DNAH7: variants seen among roughly 807,000 people sequenced by gnomAD.
DNAH7 encodes dynein axonemal heavy chain 7.
A neutral mutation model predicts 444.6 loss-of-function variants in DNAH7; 397 were observed. The ratio of observed to expected loss-of-function variants is 0.89; its 90% confidence interval spans 0.82 to 0.97. The LOEUF (loss-of-function observed/expected upper bound fraction) is 0.97, where lower values mean the gene tolerates loss of function less well. Among genes scored for constraint, DNAH7 ranks in the 50% least tolerant of loss-of-function variants. DNAH7 has a pLI of 0.00. For synonymous variants in DNAH7, 1,636 were observed against 1,624.4 expected (o/e 1.01, Z -0.17); for missense variants, 4,902 against 4,800.8 (o/e 1.02, Z -0.62).
At chr2:195,797,655 T>G (rs1407480500) in intron 55 of DNAH7, among the ~76,000 whole-genome samples, 1 of 152,210 alleles carries the variant, frequency 6.6e-6, no homozygotes, top group Non-Finnish European at 1.5e-5. Context: ...ACCATTGCTC[T>G]TCCTGGACTT....
At chr2:195,821,956 C>T (rs1000891798) in intron 49 of DNAH7, among the ~76,000 whole-genome samples, 3 of 152,218 alleles carry the variant, frequency 2.0e-5, no homozygotes, top group African/African-American at 7.2e-5. Context: ...ATGATTCCCT[C>T]CTTCCGCCCA....
At chr2:196,015,399 T>G (rs1011010866) in intron 9 of DNAH7, among the ~76,000 whole-genome samples, 2 of 152,180 alleles carry the variant, frequency 1.3e-5, no homozygotes, top group Non-Finnish European at 2.9e-5. Context: ...CTTCATCAAA[T>G]AATAAATTTT....
At chr2:195,777,579 C>T (rs895293152) in intron 59 of DNAH7, among the ~76,000 whole-genome samples, 3 of 152,120 alleles carry the variant, frequency 2.0e-5, no homozygotes, top group Non-Finnish European at 1.5e-5. Flanking sequence ...ACTGAAAAAG[C>T]GTGAGACACG....
In DNAH7 at chr2:195,936,663, T is replaced by TG. The variant is rs766836526; in HGVS notation, c.3207dup (p.Arg1070GlnfsTer8). 7 of 1,605,606 alleles carry TG rather than the reference T, an allele frequency of 4.4e-6. No homozygotes were observed. The highest frequency in any genetic ancestry group is 1.7e-5 in the Admixed American group (1 of 58,500). Reference sequence around the variant, plus strand: ...TCATCATTGGACAAAAAAAAGAATCTGGGGAAAAAGAGGCGTTTCTTTTCC... The same window carrying TG: ...TCATCATTGGACAAAAAAAAGAATCTGGGGGAAAAAGAGGCGTTTCTTTTCC... On this transcript the variant is annotated frameshift_variant, in exon 20 of 65. Transcript: ENST00000312428. LOFTEE classifies it high-confidence loss of function.
At chr2:195,817,301 T>C (rs1697271931) in intron 50 of DNAH7, among the ~76,000 whole-genome samples, 1 of 152,320 alleles carries the variant, frequency 6.6e-6, no homozygotes, top group African/African-American at 2.4e-5. Context: ...CTTATACAGC[T>C]TTACTCTTTC....
At chr2:196,058,424 G>A (rs926187127) in intron 1 of DNAH7, among the ~76,000 whole-genome samples, 2 of 152,184 alleles carry the variant, frequency 1.3e-5, no homozygotes, top group African/African-American at 4.8e-5. Flanking sequence ...GGACATGGAA[G>A]CTCCGCACCC....
intron 53 of DNAH7, among the ~76,000 whole-genome samples, chr2:195,807,849 T>C (rs16840097): frequency 0.094 from 14,309 of 152,292 alleles, 761 homozygotes; most frequent in African/African-American, 0.14. Context: ...CTAGAAAACA[T>C]TTTTATTACT....
intron 44 of DNAH7, among the ~76,000 whole-genome samples, chr2:195,856,865 C>A (rs1408850254): frequency 1.3e-5 from 2 of 152,014 alleles, no homozygotes; most frequent in African/African-American, 4.8e-5. Flanking sequence ...CAACATATTG[C>A]AACAGAATGA....
rs118050113 is a variant in DNAH7 at position 195,998,265 on chromosome 2, C to T, written c.1353+2439G>A. Among the ~76,000 whole-genome samples the T allele has an allele frequency of 3.9e-4, 59 of 152,252 alleles. 1 individual carries two copies. In the East Asian group the frequency reaches 9.3e-3, roughly 24 times the overall value. On this transcript the variant is annotated intron_variant, in intron 12 of 64. Transcript: ENST00000312428. Reference sequence around the variant, plus strand: ...TATAACTGTAACACTATAGCAACTGCATTCCTTTTGATAATTATAAAAGTT... The same window carrying T: ...TATAACTGTAACACTATAGCAACTGTATTCCTTTTGATAATTATAAAAGTT...
intron 5 of DNAH7, among the ~76,000 whole-genome samples, chr2:196,035,096 C>T (rs1696301026): frequency 6.6e-6 from 1 of 152,010 alleles, no homozygotes; most frequent in Non-Finnish European, 1.5e-5. Flanking sequence ...GTAGGAAAAT[C>T]GCTTGAACCC....
chr2:195,958,809 C>T (rs969769885), intron 18 of DNAH7, among the ~76,000 whole-genome samples: 1 of 152,052 alleles, frequency 6.6e-6, no homozygotes, highest in African/African-American at 2.4e-5. Flanking sequence ...TCCATTGTAA[C>T]ATCTATTTAT....
intron 10 of DNAH7, 27 bp from the exon 11 acceptor site, chr2:196,001,885 G>C: frequency 6.4e-7 from 1 of 1,568,560 alleles, no homozygotes; most frequent in Non-Finnish European, 8.7e-7. Context: ...ACTTTTAAAA[G>C]TCAGTGCTTT....
At chr2:195,745,051 T>G (rs917519359) in intron 63 of DNAH7, among the ~76,000 whole-genome samples, 1 of 152,126 alleles carries the variant, frequency 6.6e-6, no homozygotes, top group Non-Finnish European at 1.5e-5. Flanking sequence ...ACGATCAAAC[T>G]ACACTGAGCT....
intron 57 of DNAH7, among the ~76,000 whole-genome samples, chr2:195,788,287 G>A (rs1695722850): frequency 2.0e-5 from 3 of 152,178 alleles, no homozygotes; most frequent in Admixed American, 6.5e-5. Flanking sequence ...GGAGTCACAA[G>A]AAGAAAGATG....
intron 49 of DNAH7, among the ~76,000 whole-genome samples, chr2:195,819,878 T>C (rs1196796354): frequency 2.0e-5 from 3 of 152,236 alleles, no homozygotes; most frequent in East Asian, 1.9e-4. Context: ...CTGGGTCTTA[T>C]GTCCAGAGAG....
chr2:195,950,211 T>C (rs931945883), intron 19 of DNAH7, among the ~76,000 whole-genome samples: 4 of 152,120 alleles, frequency 2.6e-5, no homozygotes, highest in Admixed American at 2.6e-4. Flanking sequence ...TCTGGTAGAA[T>C]TCGGCTGTGA....
chr2:195,796,461 A>C, intron 56 of DNAH7, 115 bp downstream of exon 56: 1 of 1,240,838 alleles, frequency 8.1e-7, no homozygotes, highest in Non-Finnish European at 1.1e-6. Flanking sequence ...AATCCAGCCA[A>C]AGCACTAACC....
chr2:195,746,936 A>T (rs1693452203), intron 63 of DNAH7, among the ~76,000 whole-genome samples: 1 of 152,026 alleles, frequency 6.6e-6, no homozygotes, highest in Non-Finnish European at 1.5e-5. Context: ...AATTAAAAGA[A>T]CTAGAAAAGC....
intron 19 of DNAH7, among the ~76,000 whole-genome samples, chr2:195,949,302 G>A (rs1331151737): frequency 6.6e-6 from 1 of 151,606 alleles, no homozygotes; most frequent in Non-Finnish European, 1.5e-5. Flanking sequence ...TTTATTTATT[G>A]AGATGGAGTC....
Sources: allele counts gnomAD v4.1 joint callset (sites outside exome capture counted in the v4.1 genomes callset), GRCh38; gene constraint gnomAD v4.1.1; transcripts MANE v1.5; gene names NCBI Gene and HGNC (gene_info 2026-07-23, HGNC 2026-07-21).